Variants in RNF220 observed in about 807,000 individuals in gnomAD.
The protein encoded by RNF220 is E3 ubiquitin-protein ligase RNF220.
A neutral mutation model predicts 67.1 loss-of-function variants in RNF220; 7 were observed. That is an observed-to-expected ratio of 0.10 (90% confidence interval 0.06 to 0.20). The LOEUF is 0.20. Ranked by LOEUF, RNF220 falls within the 10% of genes least tolerant of loss-of-function variation. The probability of loss-of-function intolerance (pLI) is 1.00; values close to 1 mark genes in which losing one functional copy is unlikely to be tolerated. For missense variants in RNF220, 565 were observed against 740.3 expected (o/e 0.76, Z 2.75); for synonymous variants, 270 against 283.2 (o/e 0.95, Z 0.47).
At chr1:44,423,381 A>G (rs1216921283) in intron 2 of RNF220, among the ~76,000 whole-genome samples, 1 of 152,216 alleles carries the variant, frequency 6.6e-6, no homozygotes, top group Admixed American at 6.5e-5. Flanking sequence ...TTGGATGTCT[A>G]TAGCACTTCA....
chr1:44,504,488 G>A (rs1242234877), intron 2 of RNF220, among the ~76,000 whole-genome samples: 1 of 152,106 alleles, frequency 6.6e-6, no homozygotes, highest in South Asian at 2.1e-4. Flanking sequence ...AAGTTCGAGG[G>A]GCTGATCCAG....
In RNF220 at chr1:44,539,863, A is replaced by G. The variant is rs75947718; in HGVS notation, c.626-74302A>G. 3.0e-3 allele frequency among the ~76,000 whole-genome samples: 453 copies of G among 152,268 alleles called. 2 individuals are homozygous for G. The highest frequency in any genetic ancestry group is 0.01 in the African/African-American group (432 of 41,552). On this transcript the variant is annotated intron_variant, in intron 2 of 14. Transcript: ENST00000361799. ...TAATGATGCAGCAAGGTCTTTCTAA[A>G]ATGCAAATCTGATTCTTTGTAAAAT...
At chr1:44,466,454 G>A (rs1035825681) in intron 2 of RNF220, among the ~76,000 whole-genome samples, 2 of 152,132 alleles carry the variant, frequency 1.3e-5, no homozygotes, top group African/African-American at 4.8e-5. Flanking sequence ...TGTTCTTAAT[G>A]GAATCTAAAA....
At chr1:44,517,831 G>A (rs557258001) in intron 2 of RNF220, among the ~76,000 whole-genome samples, 3 of 152,236 alleles carry the variant, frequency 2.0e-5, no homozygotes, top group Admixed American at 6.5e-5. Context: ...CTAGGGCCAG[G>A]TACGGTGGTC....
At chr1:44,548,564 C>T (rs896857683) in intron 2 of RNF220, among the ~76,000 whole-genome samples, 1 of 152,032 alleles carries the variant, frequency 6.6e-6, no homozygotes, top group African/African-American at 2.4e-5. Context: ...TATGATTGCA[C>T]CTCACCACAG....
chr1:44,532,130 G>A (rs1367865575), intron 2 of RNF220, among the ~76,000 whole-genome samples: 4 of 152,042 alleles, frequency 2.6e-5, no homozygotes, highest in Non-Finnish European at 1.5e-5. Flanking sequence ...GGTTTACAAC[G>A]GGCCTTCACA....
At chr1:44,641,700 G>T (rs1016415909) in intron 8 of RNF220, among the ~76,000 whole-genome samples, 4 of 152,222 alleles carry the variant, frequency 2.6e-5, no homozygotes, top group Non-Finnish European at 5.9e-5. Flanking sequence ...TAATGTGCTG[G>T]GAAAGAGGTT....
intron 2 of RNF220, among the ~76,000 whole-genome samples, chr1:44,431,665 C>T (rs1319656473): frequency 6.6e-6 from 1 of 152,172 alleles, no homozygotes; most frequent in South Asian, 2.1e-4. Flanking sequence ...GGCGCTAGAG[C>T]CACATAGGAG....
chr1:44,521,197 A>C (rs1478323769), intron 2 of RNF220, among the ~76,000 whole-genome samples: 1 of 152,188 alleles, frequency 6.6e-6, no homozygotes, highest in African/African-American at 2.4e-5. Context: ...ACCTAAGGTG[A>C]AATTTAATAA....
At chr1:44,570,756 C>T (rs1163600322) in intron 2 of RNF220, among the ~76,000 whole-genome samples, 1 of 152,164 alleles carries the variant, frequency 6.6e-6, no homozygotes, top group Non-Finnish European at 1.5e-5. Flanking sequence ...CTATTCTTTG[C>T]ACAGCAGCCA....
At chr1:44,432,939 A>T (rs1356122535) in intron 2 of RNF220, among the ~76,000 whole-genome samples, 1 of 134,532 alleles carries the variant, frequency 7.4e-6, no homozygotes, top group Non-Finnish European at 1.6e-5. Flanking sequence ...GCTCAGTTTC[A>T]ATTTTGAGTC....
At chr1:44,488,729 T>TA (rs1243107702) in intron 2 of RNF220, among the ~76,000 whole-genome samples, 1 of 42,222 alleles carries the variant, frequency 2.4e-5, no homozygotes, top group African/African-American at 6.4e-5. Flanking sequence ...TCTTTTTTCT[T>TA]TTTTTTTTTT....
chr1:44,408,885 C>T (rs1490770299), intron 1 of RNF220: 1 of 152,182 alleles, frequency 6.6e-6, no homozygotes, highest in East Asian at 1.9e-4. Flanking sequence ...GCACCGCTTC[C>T]TTCTATGCCG....
intron 2 of RNF220, among the ~76,000 whole-genome samples, chr1:44,558,748 A>G (rs34485130): frequency 6.6e-6 from 1 of 152,154 alleles, no homozygotes; most frequent in African/African-American, 2.4e-5. Flanking sequence ...GTTTTTTGCC[A>G]CCACCTTACA....
In RNF220 at chr1:44,412,512, G is replaced by C. The variant is rs1190010317; in HGVS notation, c.415G>C (p.Ala139Pro). 2.5e-6 allele frequency: 4 copies of C among 1,613,800 alleles called. No individual in the cohort carries two copies. Among genetic ancestry groups the C allele is most frequent in the Non-Finnish European group, 2.5e-6 (3 of 1,179,792 alleles). ...GAGCTATCAGTCAGCCTTTACGCCG[G>C]CCAAGCGACTTAAGAACTGCCATGA... ...RESYQSAFTP[A>P]KRLKNCHDTE... Residue 139 changes from alanine (A) to proline (P), a missense_variant, in exon 2 of 15, where the codon GCC becomes CCC. Transcript: ENST00000361799. This position sits in a 1 kb window ranked among gnomAD's most constrained non-coding sequence, Gnocchi z 5.3.
rs777739523 is a variant in RNF220 at position 44,565,238 on chromosome 1, C to A, written c.626-48927C>A. Among the ~76,000 whole-genome samples, 1 of 145,162 alleles carries A rather than the reference C, an allele frequency of 6.9e-6. No homozygotes were observed. ...GAATTATAGCAGTTCACCACTGAAC[C>A]AGGAGAATAAGGCCAGTTGGGTACC... is the stretch of plus-strand genomic sequence containing the variant. On this transcript the variant is annotated intron_variant, in intron 2 of 14. Coordinates refer to ENST00000361799, the MANE Select transcript of RNF220 (RefSeq NM_018150.4). The surrounding 1 kb of genome is among the most constrained non-coding windows in gnomAD (Gnocchi z 4.2).
Position 44,632,403 on chromosome 1 carries a change from C to CCCCCCCCA in RNF220, c.949+19_949+20insCCCCCCAC. 1 of 1,604,562 alleles carries CCCCCCCCA rather than the reference C, an allele frequency of 6.2e-7. No homozygotes were observed. The highest frequency in any genetic ancestry group is 8.5e-7 in the Non-Finnish European group (1 of 1,175,162). ...ACTGAATGGTGAGTCCTGCCCGGCCCCTCCCTCCGCCCCACCCCCGGCCTC... is the reference window on the plus strand; with the variant it reads ...ACTGAATGGTGAGTCCTGCCCGGCCCCCCCCCCACTCCCTCCGCCCCACCCCCGGCCTC... On this transcript the variant is annotated intron_variant, in intron 6 of 14. Transcript: ENST00000361799.
Position 44,471,502 on chromosome 1 carries a change from T to G in RNF220, c.625+58780T>G, listed in dbSNP as rs188778992. Among the ~76,000 whole-genome samples the G allele has an allele frequency of 8.4e-4, 128 of 151,730 alleles. 1 individual carries two copies. The highest frequency in any genetic ancestry group is 1.5e-3 in the Non-Finnish European group (104 of 67,926). ...CATTCAACTATCACCACCCTCTAAC[T>G]CTGGAACATTTTCATCACGCTATAA... On this transcript the variant is annotated intron_variant, in intron 2 of 14. Coordinates refer to ENST00000361799, the MANE Select transcript of RNF220 (RefSeq NM_018150.4).
At chr1:44,445,976 A>T (rs1176638333) in intron 2 of RNF220, among the ~76,000 whole-genome samples, 1 of 152,224 alleles carries the variant, frequency 6.6e-6, no homozygotes, top group Admixed American at 6.5e-5. Context: ...GGTATTGGGT[A>T]TGATTGGGTG....
Sources: gnomAD v4.1 joint callset for allele counts (sites outside exome capture counted in the v4.1 genomes callset) on GRCh38, gnomAD v4.1.1 for gene constraint, Gnocchi (gnomAD v3.1) non-coding constraint, MANE v1.5 for transcripts, NCBI Gene and HGNC (gene_info 2026-07-23, HGNC 2026-07-21) for gene names.